TLE6: variants seen among roughly 807,000 people sequenced by gnomAD.
TLE6 encodes the protein transducin-like enhancer protein 6.
In TLE6, 72 loss-of-function variants were observed where a neutral mutation model predicts 77.1. The observed-to-expected ratio is 0.93, with a 90% CI of 0.77 to 1.14. The LOEUF (loss-of-function observed/expected upper bound fraction) is 1.14, where lower values mean the gene tolerates loss of function less well. Among genes scored for constraint, TLE6 ranks in the 50% most tolerant of loss-of-function variants. The probability of loss-of-function intolerance (pLI) is 0.00; values close to 1 mark genes in which losing one functional copy is unlikely to be tolerated. For missense variants in TLE6, 843 were observed against 747.6 expected, an observed-to-expected ratio of 1.13 and a Z score of -1.49; for synonymous variants, 366 against 287.3, an observed-to-expected ratio of 1.27 and a Z score of -2.77.
intron 5 of TLE6, among the ~76,000 whole-genome samples, chr19:2,986,070 T>C (rs564385122): frequency 8.8e-5 from 3 of 34,018 alleles, no homozygotes; most frequent in African/African-American, 1.2e-4. Context: ...TGAGACTGTC[T>C]CAAAAAAAAA....
intron 13 of TLE6, 68 bp downstream of exon 13, chr19:2,989,853 ACTGCTACCACCTCTGCCCGCCTTC>A: frequency 6.3e-7 from 1 of 1,582,032 alleles, no homozygotes; most frequent in Non-Finnish European, 8.6e-7. Context: ...TGCCCACCTT[ACTGCTACCACCTCTGCCCGCCTTC>A]CTGCCACCTC....
intron 5 of TLE6, 118 bp from the exon 6 acceptor site, chr19:2,986,711 C>T (rs2088918940): frequency 9.4e-7 from 1 of 1,067,042 alleles, no homozygotes; most frequent in Non-Finnish European, 1.4e-6. Context: ...GAGACTCTGT[C>T]TCAAAAAAAC....
intron 16 of TLE6, among the ~76,000 whole-genome samples, chr19:2,994,613 A>AT (rs2089167435): frequency 7.0e-6 from 1 of 143,754 alleles, no homozygotes; most frequent in Non-Finnish European, 1.5e-5. Context: ...CTAAAAAAAT[A>AT]ATAATAATAA....
Position 2,995,021 on chromosome 19 carries a change from C to A in TLE6, c.*17C>A. Reference sequence around the variant, plus strand: ...ACCTACTGAGGGGCCTCGCTGCTGTCATCCCACTCCGGCTCCTCTTTTCAT... The same window carrying A: ...ACCTACTGAGGGGCCTCGCTGCTGTAATCCCACTCCGGCTCCTCTTTTCAT... On this transcript the variant is annotated 3_prime_UTR_variant, in exon 17 of 17. Transcript: ENST00000246112. The A allele has an allele frequency of 3.3e-6, 5 of 1,500,310 alleles. No homozygotes were observed. Among genetic ancestry groups the A allele is most frequent in the Middle Eastern group, 2.2e-4 (1 of 4,512 alleles). The allele number at this position is 1,500,310 out of a possible 1,614,324, so 92.9% of individuals were successfully genotyped here.
chr19:2,990,845 T>C (rs1220614430), intron 13 of TLE6, among the ~76,000 whole-genome samples: 1 of 149,728 alleles, frequency 6.7e-6, no homozygotes, highest in African/African-American at 2.5e-5. Context: ...TACTAAAAAA[T>C]ATGAAAATTA....
chr19:2,991,967 T>C lies in TLE6; in HGVS notation c.1369T>C (p.Tyr457His), dbSNP rs2089077939. Residue 457 changes from tyrosine (Y) to histidine (H), a missense_variant, in exon 14 of 17, where the codon TAC becomes CAC. Coordinates refer to ENST00000246112, the MANE Select transcript of TLE6 (RefSeq NM_001143986.2). The stretch of plus-strand genomic sequence containing the variant: ...GAGGACCATCATGAAACCTCTGGAG[T>C]ACCAATTCAAGTCTCAGGTGCGGAG... ...DQRTIMKPLE[Y>H]QFKSQIMSLS... 1.9e-6 allele frequency: 3 copies of C among 1,613,230 alleles called. No homozygotes were observed. The highest frequency in any genetic ancestry group is 1.3e-5 in the African/African-American group (1 of 74,746).
At chr19:2,990,324 C>T (rs1489737281) in intron 13 of TLE6, among the ~76,000 whole-genome samples, 3 of 151,262 alleles carry the variant, frequency 2.0e-5, no homozygotes, top group South Asian at 2.1e-4. Flanking sequence ...ATAAATTGGC[C>T]GGGCGCAGTG....
intron 14 of TLE6, among the ~76,000 whole-genome samples, chr19:2,992,779 CAAAA>C (rs1187737901): frequency 6.6e-5 from 1 of 15,040 alleles, no homozygotes; most frequent in African/African-American, 2.1e-4. Context: ...GACCCTGTCT[CAAAA>C]AAAAAAAAAA....
In TLE6 at chr19:2,990,740, C is replaced by T. The variant is rs1599167824; in HGVS notation, c.1244+955C>T. 2.6e-5 allele frequency among the ~76,000 whole-genome samples: 4 copies of T among 151,008 alleles called. No homozygotes were observed. In the South Asian group the frequency reaches 8.3e-4, roughly 31 times the overall value. ...AACAGTCTGGGTGCGGTGTCTCACACCTGTAATCCCAGCACTTTGGGAGGC... is the reference window on the plus strand; with the variant it reads ...AACAGTCTGGGTGCGGTGTCTCACATCTGTAATCCCAGCACTTTGGGAGGC... On this transcript the variant is annotated intron_variant, in intron 13 of 16. Coordinates refer to ENST00000246112, the MANE Select transcript of TLE6 (RefSeq NM_001143986.2).
intron 14 of TLE6, 87 bp downstream of exon 14, chr19:2,992,071 C>G: frequency 6.5e-7 from 1 of 1,527,024 alleles, no homozygotes; most frequent in Non-Finnish European, 8.9e-7. Flanking sequence ...CTCCGTGGCT[C>G]ACGCCTATAA....
chr19:2,980,183 G>A lies in TLE6; in HGVS notation c.134+1G>A. The stretch of plus-strand genomic sequence containing the variant: ...TAAATCGGCTCAAGCAGTTCCCCAG[G>A]TGAGAGCAATTCCAGGGGCCGGAGG... On this transcript the variant is annotated splice_donor_variant, in intron 3 of 16. Coordinates refer to ENST00000246112, the MANE Select transcript of TLE6 (RefSeq NM_001143986.2). LOFTEE classifies it high-confidence loss of function. The A allele has an allele frequency of 6.5e-7, 1 of 1,546,868 alleles. No homozygotes were observed. The highest frequency in any genetic ancestry group is 8.7e-7 in the Non-Finnish European group (1 of 1,143,988).
In TLE6 at chr19:2,987,748, T is replaced by C; in HGVS notation, c.583T>C (p.Ser195Pro). 2 of 1,614,094 alleles carry C rather than the reference T, an allele frequency of 1.2e-6. No individual in the cohort carries two copies. The highest frequency in any genetic ancestry group is 1.7e-6 in the Non-Finnish European group (2 of 1,180,000). The change falls in exon 9 of 17, where the codon TCC (serine) becomes CCC (proline). Residue 195 changes from serine to proline, a missense_variant. Physicochemically the swap from Ser to Pro is moderately conservative, Grantham distance 74. Coordinates refer to ENST00000246112, the MANE Select transcript of TLE6 (RefSeq NM_001143986.2). ...GLGQESKAPG[S>P]CDPGTDPCPE... Reference sequence around the variant, plus strand: ...GGGGCAGGAAAGCAAGGCACCAGGATCCTGTGACCCAGGAACAGACCCATG... The same window carrying C: ...GGGGCAGGAAAGCAAGGCACCAGGACCCTGTGACCCAGGAACAGACCCATG...
rs1351605510 is a variant in TLE6, at chr19:2,981,568, G to A, written c.165G>A (p.Glu55=). Residue 55 remains glutamate (E), a synonymous_variant, in exon 4 of 17, where the codon GAG becomes GAA. Transcript: ENST00000246112. ...RFSPHFAAEL[E]SIYYSLHKIQ... The stretch of plus-strand genomic sequence containing the variant: ...CTCCTCATTTTGCTGCGGAGTTGGA[G>A]AGCATTTACTACTCGGTGAGCCAGA... The A allele has an allele frequency of 6.4e-7, 1 of 1,551,560 alleles. No individual in the cohort carries two copies. The highest frequency in any genetic ancestry group is 8.7e-7 in the Non-Finnish European group (1 of 1,146,962).
intron 5 of TLE6, among the ~76,000 whole-genome samples, chr19:2,982,433 G>A (rs371798526): frequency 4.5e-4 from 68 of 151,900 alleles, no homozygotes; most frequent in Admixed American, 3.7e-3. Flanking sequence ...AGCTACTTGG[G>A]AGGCTGAGGC....
intron 3 of TLE6, among the ~76,000 whole-genome samples, chr19:2,981,017 C>T (rs1253937378): frequency 2.6e-5 from 4 of 151,252 alleles, no homozygotes; most frequent in Non-Finnish European, 5.9e-5. Flanking sequence ...TACCACTGCA[C>T]CCTAGCCCGG....
intron 16 of TLE6, among the ~76,000 whole-genome samples, 164 bp downstream of exon 16, chr19:2,994,259 T>TAA (rs2089157544): frequency 2.0e-5 from 3 of 150,262 alleles, no homozygotes; most frequent in Admixed American, 1.3e-4. Flanking sequence ...GAAGATCTCT[T>TAA]AAGTGTAGGA....
rs754492473 is a variant in TLE6, at chr19:2,995,053, C to T, written c.*49C>T. 1.4e-5 allele frequency: 15 copies of T among 1,096,388 alleles called. No individual in the cohort carries two copies. Among genetic ancestry groups the T allele is most frequent in the Non-Finnish European group, 1.9e-5 (15 of 775,734 alleles). 67.9% of individuals were successfully genotyped at this position (1,096,388 alleles called of 1,614,324 possible). ...CTCCGGCTCCTCTTTTCATCCCCCCCCTTCCCCCCCCCCAACAAGGGGGAC... is the reference window on the plus strand; with the variant it reads ...CTCCGGCTCCTCTTTTCATCCCCCCTCTTCCCCCCCCCCAACAAGGGGGAC... On this transcript the variant is annotated 3_prime_UTR_variant, in exon 17 of 17. Transcript: ENST00000246112.
At chr19:2,989,469 G>A (rs1341089424) in intron 12 of TLE6, 66 bp from the exon 13 acceptor site, 1 of 1,575,204 alleles carries the variant, frequency 6.3e-7, no homozygotes, top group Non-Finnish European at 8.6e-7. Flanking sequence ...TCGCTCTCAT[G>A]AGGCAAAGCA....
In TLE6 at chr19:2,994,885, C is replaced by CT. The variant is rs774738671; in HGVS notation, c.1615-14dup. The stretch of plus-strand genomic sequence containing the variant: ...GAGCCCTACCCCAGCTCACTGCCCA[C>CT]TGCCCCCCCTCCAGGTGCCTGAGAT... On this transcript the variant is annotated splice_polypyrimidine_tract_variant and intron_variant, in intron 16 of 16. Coordinates refer to ENST00000246112, the MANE Select transcript of TLE6 (RefSeq NM_001143986.2). The CT allele has an allele frequency of 1.8e-5, 28 of 1,547,902 alleles. No homozygotes were observed. Among genetic ancestry groups the CT allele is most frequent in the Non-Finnish European group, 2.3e-5 (26 of 1,133,994 alleles).
Sources: allele counts gnomAD v4.1 joint callset (sites outside exome capture counted in the v4.1 genomes callset), GRCh38; gene constraint gnomAD v4.1.1; transcripts MANE v1.5; gene names NCBI Gene and HGNC (gene_info 2026-07-23, HGNC 2026-07-21).